The following HECW2 variants were observed in gnomAD, a reference collection of about 807,000 sequenced individuals.
HECW2 encodes E3 ubiquitin-protein ligase HECW2.
Under a neutral mutation model 175.2 loss-of-function variants are expected in HECW2, and 61 were observed. The observed-to-expected ratio is 0.35, with a 90% CI of 0.28 to 0.43. The LOEUF (loss-of-function observed/expected upper bound fraction) is 0.43, where lower values mean the gene tolerates loss of function less well. Ranked by LOEUF, HECW2 falls within the 20% of genes least tolerant of loss-of-function variation. HECW2 has a pLI of 1.00. For synonymous variants in HECW2, 671 were observed against 731.0 expected (o/e 0.92, Z 1.32); for missense variants, 1,524 against 2,000.5 (o/e 0.76, Z 4.54).
At chr2:196,395,064 A>C (rs1694621856) in intron 2 of HECW2, among the ~76,000 whole-genome samples, 2 of 152,064 alleles carry the variant, frequency 1.3e-5, no homozygotes. Context: ...CATTCATGAG[A>C]GGTCTGCCCT....
chr2:196,335,505 T>C (rs1692519389), intron 3 of HECW2, among the ~76,000 whole-genome samples: 1 of 152,208 alleles, frequency 6.6e-6, no homozygotes, highest in Admixed American at 6.5e-5. Flanking sequence ...ACCAGGACTA[T>C]TAAAGTGGGG....
rs184195465 is a variant in HECW2 at position 196,257,815 on chromosome 2, G to A, written c.3419+8C>T. 75 of 1,600,532 alleles carry A rather than the reference G, an allele frequency of 4.7e-5. No homozygotes were observed. Among genetic ancestry groups the A allele is most frequent in the East Asian group, 1.3e-4 (6 of 44,818 alleles). On this transcript the variant is annotated splice_region_variant and intron_variant, in intron 18 of 28. Coordinates refer to ENST00000644978, the MANE Select transcript of HECW2 (RefSeq NM_001348768.2). Reference sequence around the variant, plus strand: ...CTTCTGCTTCAAGAGTGAGTGTTACGTATGTACCTCAGCAACATAACAAGG... The same window carrying A: ...CTTCTGCTTCAAGAGTGAGTGTTACATATGTACCTCAGCAACATAACAAGG...
chr2:196,225,736 A>T, intron 23 of HECW2, 36 bp downstream of exon 23: 2 of 1,266,164 alleles, frequency 1.6e-6, no homozygotes, highest in Non-Finnish European at 2.3e-6. Context: ...ACTGCATTTT[A>T]CATGCTAATT....
chr2:196,234,946 G>C (rs1382655054), intron 21 of HECW2, among the ~76,000 whole-genome samples: 2 of 152,092 alleles, frequency 1.3e-5, no homozygotes, highest in African/African-American at 4.8e-5. Context: ...AAAACCTCCA[G>C]CTCTAACCAA....
intron 2 of HECW2, among the ~76,000 whole-genome samples, chr2:196,395,593 C>G (rs935441050): frequency 1.3e-5 from 2 of 151,942 alleles, no homozygotes; most frequent in Non-Finnish European, 2.9e-5. Flanking sequence ...TACAAATGAC[C>G]ACTAAGCACA....
chr2:196,291,125 TGTG>T (rs1690586805), intron 14 of HECW2: 1 of 152,110 alleles, frequency 6.6e-6, no homozygotes, highest in East Asian at 1.9e-4. Context: ...AAGAGGCTAT[TGTG>T]GTAAAGTTCC....
intron 14 of HECW2, among the ~76,000 whole-genome samples, chr2:196,284,295 T>C (rs1391811089): frequency 6.6e-6 from 1 of 152,206 alleles, no homozygotes; most frequent in Admixed American, 6.5e-5. Context: ...GGGTGGAGAA[T>C]AGGTCCTATT....
intron 8 of HECW2, 143 bp downstream of exon 8, chr2:196,320,196 T>C: frequency 3.1e-6 from 2 of 649,636 alleles, no homozygotes. Context: ...TTAGAAAATT[T>C]CAGCAGGTAA....
intron 2 of HECW2, among the ~76,000 whole-genome samples, chr2:196,383,789 GT>G (rs1457336046): frequency 1.3e-5 from 2 of 152,230 alleles, no homozygotes; most frequent in African/African-American, 4.8e-5. Flanking sequence ...TCATTCAGTA[GT>G]GGCCCTTCAC....
intron 15 of HECW2, among the ~76,000 whole-genome samples, chr2:196,275,261 A>G (rs938247341): frequency 7.2e-5 from 11 of 152,190 alleles, no homozygotes; most frequent in Admixed American, 2.0e-4. Context: ...AGCAGCTGCC[A>G]TTGTGAACAG....
At chr2:196,356,479 C>G (rs1693372598) in intron 2 of HECW2, among the ~76,000 whole-genome samples, 1 of 152,148 alleles carries the variant, frequency 6.6e-6, no homozygotes. Context: ...TGCATTGTCC[C>G]TTCCATCCCG....
chr2:196,434,581 T>C (rs1695815201), intron 1 of HECW2, among the ~76,000 whole-genome samples: 2 of 152,218 alleles, frequency 1.3e-5, no homozygotes, highest in South Asian at 4.1e-4. Flanking sequence ...CTTACCTGTT[T>C]GCCATGGGTT....
intron 7 of HECW2, 48 bp from the exon 8 acceptor site, chr2:196,320,487 C>T (rs1478684621): frequency 4.8e-6 from 6 of 1,241,496 alleles, no homozygotes; most frequent in South Asian, 1.3e-5. Context: ...CTGGAGTCAG[C>T]CTTCGCCGTC....
rs1158982683 is a variant in HECW2 at position 196,228,039 on chromosome 2, C to A, written c.3917+63G>T. 16 of 1,393,462 alleles carry A rather than the reference C, an allele frequency of 1.1e-5. No individual in the cohort carries two copies. The East Asian group carries it at 3.3e-4, about 29-fold the overall frequency. The allele number at this position is 1,393,462 out of a possible 1,614,324, so 86.3% of individuals were successfully genotyped here. A position where few individuals can be genotyped will look rare whatever the true frequency, so the allele number is the denominator to read the frequency against. On this transcript the variant is annotated intron_variant, in intron 22 of 28. Coordinates refer to ENST00000644978, the MANE Select transcript of HECW2 (RefSeq NM_001348768.2). ...ATGTTTTAATGTTTAAATGTGGGTTCTATAAAAAAACTAATATCATAGGAA... is the reference window on the plus strand; with the variant it reads ...ATGTTTTAATGTTTAAATGTGGGTTATATAAAAAAACTAATATCATAGGAA...
rs778348590 is a variant in HECW2, at chr2:196,273,049, A to AT, written c.3238+971dup. On this transcript the variant is annotated intron_variant, in intron 16 of 28. Coordinates refer to ENST00000644978, the MANE Select transcript of HECW2 (RefSeq NM_001348768.2). ...CAAAGATAAATGGAGAGCTGGTCTA[A>AT]TTTTTTTTTTTTTTTTTTTTTTTTT... Among the ~76,000 whole-genome samples, 62 of 113,110 alleles carry AT rather than the reference A, an allele frequency of 5.5e-4. 3 individuals carry two copies. Among genetic ancestry groups the AT allele is most frequent in the African/African-American group, 2.2e-3 (57 of 26,004 alleles). The allele number at this position is 113,110 out of a possible 152,430, so 74.2% of individuals were successfully genotyped here.
chr2:196,560,956 ATG>A (rs935341588), intron 1 of HECW2, among the ~76,000 whole-genome samples: 2 of 152,304 alleles, frequency 1.3e-5, no homozygotes, highest in African/African-American at 4.8e-5. Context: ...TTTGTAAAGC[ATG>A]TGTGTTTGAA....
chr2:196,286,241 G>T (rs1690381528), intron 14 of HECW2, among the ~76,000 whole-genome samples: 1 of 152,088 alleles, frequency 6.6e-6, no homozygotes, highest in African/African-American at 2.4e-5. Context: ...GCCACAGAGA[G>T]CTGATTGTTC....
At chr2:196,269,890 C>G (rs1689663541) in intron 17 of HECW2, among the ~76,000 whole-genome samples, 1 of 152,180 alleles carries the variant, frequency 6.6e-6, no homozygotes, top group Non-Finnish European at 1.5e-5. Flanking sequence ...AATTCTTAGG[C>G]TCTACCCCAG....
At chr2:196,577,149 A>G (rs988180245) in intron 1 of HECW2, among the ~76,000 whole-genome samples, 4 of 152,188 alleles carry the variant, frequency 2.6e-5, no homozygotes, top group African/African-American at 4.8e-5. Flanking sequence ...TACAAGGTGG[A>G]TATGTTCCAG....
Sources: gnomAD v4.1 joint callset for allele counts (sites outside exome capture counted in the v4.1 genomes callset) on GRCh38, gnomAD v4.1.1 for gene constraint, MANE v1.5 for transcripts, NCBI Gene and HGNC (gene_info 2026-07-23, HGNC 2026-07-21) for gene names.